OPRD1: variants seen among roughly 807,000 people sequenced by gnomAD.
OPRD1 encodes delta-type opioid receptor.
Under a neutral mutation model 17.5 loss-of-function variants are expected in OPRD1, and 19 were observed. The observed-to-expected ratio is 1.09, with a 90% CI of 0.76 to 1.60. The LOEUF is 1.60. Among genes scored for constraint, OPRD1 ranks in the 40% most tolerant of loss-of-function variants. The pLI is 0.00. For missense variants in OPRD1, 483 were observed against 547.2 expected (o/e 0.88, Z 1.17); for synonymous variants, 256 against 240.9 (o/e 1.06, Z -0.58).
intron 1 of OPRD1, among the ~76,000 whole-genome samples, chr1:28,846,800 A>G (rs1439356848): frequency 6.6e-6 from 1 of 150,544 alleles, no homozygotes; most frequent in Non-Finnish European, 1.5e-5. Flanking sequence ...TCAGAGTTGT[A>G]TCACATGGAG....
intron 1 of OPRD1, among the ~76,000 whole-genome samples, chr1:28,818,018 C>T (rs959580903): frequency 3.9e-5 from 6 of 152,154 alleles, no homozygotes; most frequent in South Asian, 2.1e-4. Flanking sequence ...CTGCGCCTGG[C>T]TCATTTTATC....
At chr1:28,834,925 C>T (rs1028567163) in intron 1 of OPRD1, among the ~76,000 whole-genome samples, 9 of 152,130 alleles carry the variant, frequency 5.9e-5, no homozygotes, top group African/African-American at 1.7e-4. Context: ...CTCTATGTTC[C>T]CACAGTGTCC....
Position 28,865,246 on chromosome 1 carries a change from C to T in OPRD1, c.*1963C>T, listed in dbSNP as rs1230502408. 1 of 152,392 alleles carries T rather than the reference C, an allele frequency of 6.6e-6. No individual in the cohort carries two copies. Among genetic ancestry groups the T allele is most frequent in the African/African-American group, 2.4e-5 (1 of 41,450 alleles). 9.4% of individuals were successfully genotyped at this position (152,392 alleles called of 1,614,324 possible). On this transcript the variant is annotated 3_prime_UTR_variant, in exon 3 of 3. Transcript: ENST00000234961. ...ACCAACACTGCCTCAGTAATGCACCCCTGACTCCCTATTGAAGCAGTGTGC... is the reference window on the plus strand; with the variant it reads ...ACCAACACTGCCTCAGTAATGCACCTCTGACTCCCTATTGAAGCAGTGTGC...
intron 1 of OPRD1, 41 bp downstream of exon 1, chr1:28,812,651 G>A (rs772177448): frequency 4.9e-6 from 7 of 1,423,760 alleles, no homozygotes; most frequent in Middle Eastern, 1.9e-4. Flanking sequence ...CTGGAGCCCG[G>A]GGTGAGGGTG....
chr1:28,836,078 C>T (rs751695641), intron 1 of OPRD1, among the ~76,000 whole-genome samples: 4 of 152,136 alleles, frequency 2.6e-5, no homozygotes, highest in Middle Eastern at 3.2e-3. Flanking sequence ...GAAAAAAGGC[C>T]TTCTGTTGTG....
At chr1:28,837,720 C>T (rs2088864749) in intron 1 of OPRD1, among the ~76,000 whole-genome samples, 2 of 151,118 alleles carry the variant, frequency 1.3e-5, no homozygotes, top group African/African-American at 4.9e-5. Flanking sequence ...TGGAGAGTCT[C>T]ACCGTATTGC....
Position 28,842,966 on chromosome 1 carries a change from G to GAA in OPRD1, c.228-15988_228-15987insAA, listed in dbSNP as rs143171946. ...ACGCACCTGTAGTCCTAGCTACTTG[G>GAA]GAAAAAAAAAAGAAGAAGAAAAAGA... On this transcript the variant is annotated intron_variant, in intron 1 of 2. Coordinates refer to ENST00000234961, the MANE Select transcript of OPRD1 (RefSeq NM_000911.4). 4.7e-3 allele frequency among the ~76,000 whole-genome samples: 695 copies of GAA among 147,426 alleles called. 6 individuals carry two copies. The highest frequency in any genetic ancestry group is 0.01 in the South Asian group (48 of 4,638).
At chr1:28,817,025 C>T (rs1017299798) in intron 1 of OPRD1, among the ~76,000 whole-genome samples, 3 of 152,156 alleles carry the variant, frequency 2.0e-5, no homozygotes, top group African/African-American at 7.2e-5. Context: ...CTCTGCGCCC[C>T]GAGCTAGGTT....
intron 1 of OPRD1, among the ~76,000 whole-genome samples, chr1:28,829,046 C>T (rs528936775): frequency 6.6e-6 from 1 of 150,712 alleles, no homozygotes; most frequent in East Asian, 1.9e-4. Context: ...AGCTTTGTAA[C>T]CAGGCACTGA....
At position 28,870,669 on chromosome 1, in the gene OPRD1, C is replaced by T. The variant is rs997948875; in HGVS notation, c.*7386C>T. The T allele has an allele frequency of 6.6e-6, 1 of 152,240 alleles. No homozygotes were observed. The highest frequency in any genetic ancestry group is 1.9e-4 in the East Asian group (1 of 5,194). The allele number at this position is 152,240 out of a possible 1,614,324, so 9.4% of individuals were successfully genotyped here. On this transcript the variant is annotated 3_prime_UTR_variant, in exon 3 of 3. Transcript: ENST00000234961. Reference sequence around the variant, plus strand: ...CAGTTCTTAAGAGGACATCTTTTCCCAAGCTCCTTAGCCTTAGCTGTCCTC... The same window carrying T: ...CAGTTCTTAAGAGGACATCTTTTCCTAAGCTCCTTAGCCTTAGCTGTCCTC...
chr1:28,838,057 T>C (rs1239776818), intron 1 of OPRD1, among the ~76,000 whole-genome samples: 1 of 151,744 alleles, frequency 6.6e-6, no homozygotes, highest in Non-Finnish European at 1.5e-5. Flanking sequence ...AGTGATTAAA[T>C]GAGGTGATCT....
At chr1:28,829,533 A>G (rs2088794996) in intron 1 of OPRD1, among the ~76,000 whole-genome samples, 1 of 151,482 alleles carries the variant, frequency 6.6e-6, no homozygotes, top group Non-Finnish European at 1.5e-5. Context: ...CACACCAGCT[A>G]ATTTTTTGTA....
rs573266292 is a variant in OPRD1 at position 28,845,868 on chromosome 1, G to C, written c.228-13086G>C. Among the ~76,000 whole-genome samples, 29 of 152,312 alleles carry C rather than the reference G, an allele frequency of 1.9e-4. 1 individual carries two copies. The South Asian group carries it at 5.8e-3, about 30-fold the overall frequency. ...AAACAATTTCTCTTTCTAGAAAGTTGGGTCTCTGGCTCCCTACTGCCTTGT... is the reference window on the plus strand; with the variant it reads ...AAACAATTTCTCTTTCTAGAAAGTTCGGTCTCTGGCTCCCTACTGCCTTGT... On this transcript the variant is annotated intron_variant, in intron 1 of 2. Transcript: ENST00000234961.
intron 1 of OPRD1, among the ~76,000 whole-genome samples, chr1:28,827,052 T>C (rs191990788): frequency 1.1e-3 from 171 of 152,316 alleles, no homozygotes; most frequent in African/African-American, 3.9e-3. Context: ...TCCAGCACTT[T>C]GGGAGGCCAA....
In OPRD1 at chr1:28,863,127, C is replaced by T. The variant is rs571383780; in HGVS notation, c.963C>T (p.Leu321=). ...SSLNPVLYAF[L]DENFKRCFRQ... ...TCAACCCCGTGCTCTACGCTTTCCT[C>T]GACGAGAACTTCAAGCGCTGCTTCC... The change falls in exon 3 of 3, where the codon CTC becomes CTT. Residue 321 remains leucine (L), a synonymous_variant. Transcript: ENST00000234961. The T allele has an allele frequency of 1.2e-6, 2 of 1,609,772 alleles. No homozygotes were observed. Among genetic ancestry groups the T allele is most frequent in the Non-Finnish European group, 1.7e-6 (2 of 1,179,236 alleles).
Position 28,838,300 on chromosome 1 carries a change from C to A in OPRD1, c.228-20654C>A, listed in dbSNP as rs551637500. 2.6e-5 allele frequency among the ~76,000 whole-genome samples: 4 copies of A among 152,274 alleles called. No individual in the cohort carries two copies. The South Asian group carries it at 8.3e-4, about 32-fold the overall frequency. ...AAGTCTTGGACAGGATTCTCCTTCC[C>A]CTTTAGCCTCAGCCACCTTGAACCT... On this transcript the variant is annotated intron_variant, in intron 1 of 2. Coordinates refer to ENST00000234961, the MANE Select transcript of OPRD1 (RefSeq NM_000911.4).
chr1:28,862,087 TA>T (rs1031170547), intron 2 of OPRD1, among the ~76,000 whole-genome samples: 2 of 151,670 alleles, frequency 1.3e-5, no homozygotes, highest in African/African-American at 4.8e-5. Context: ...AATTTTTTTG[TA>T]TTTTTTTTTT....
At chr1:28,836,510 A>AG (rs2088855061) in intron 1 of OPRD1, among the ~76,000 whole-genome samples, 1 of 3,566 alleles carries the variant, frequency 2.8e-4, no homozygotes, top group African/African-American at 6.4e-4. Flanking sequence ...ATTCCATCTC[A>AG]AAAAAAAAAA....
chr1:28,836,056 A>G (rs760588), intron 1 of OPRD1, among the ~76,000 whole-genome samples: 54,591 of 152,032 alleles, frequency 0.36, 10,143 homozygotes, highest in Middle Eastern at 0.48. Flanking sequence ...CTAACATTCT[A>G]TATTCTTGAT....
Sources: gnomAD v4.1 joint callset for allele counts (sites outside exome capture counted in the v4.1 genomes callset) on GRCh38, gnomAD v4.1.1 for gene constraint, MANE v1.5 for transcripts, NCBI Gene and HGNC (gene_info 2026-07-23, HGNC 2026-07-21) for gene names.